Variants in C12orf56 observed in about 807,000 individuals in gnomAD.
The protein encoded by C12orf56 is uncharacterized protein C12orf56.
Under a neutral mutation model 69.9 loss-of-function variants are expected in C12orf56, and 71 were observed. The observed-to-expected ratio is 1.02, with a 90% CI of 0.84 to 1.24. The LOEUF is 1.24. C12orf56 is among the 50% of genes most tolerant of loss of function. The pLI, the probability that C12orf56 is intolerant of heterozygous loss-of-function variation, is 0.00. For missense variants in C12orf56, 732 were observed against 738.5 expected (o/e 0.99, Z 0.10); for synonymous variants, 276 against 274.1 (o/e 1.01, Z -0.07).
At chr12:64,375,654 C>T (rs887226925) in intron 1 of C12orf56, among the ~76,000 whole-genome samples, 3 of 152,174 alleles carry the variant, frequency 2.0e-5, no homozygotes, top group African/African-American at 7.2e-5. Flanking sequence ...CTTACAACTA[C>T]ACAAAAAGTT....
intron 2 of C12orf56, chr12:64,338,779 A>G: frequency 1.5e-6 from 2 of 1,358,800 alleles, no homozygotes; most frequent in Non-Finnish European, 2.1e-6. Flanking sequence ...GCATGTCAGC[A>G]TTGCTGAGAG....
intron 5 of C12orf56, among the ~76,000 whole-genome samples, chr12:64,305,908 A>C (rs1447542424): frequency 6.6e-6 from 1 of 152,224 alleles, no homozygotes; most frequent in Non-Finnish European, 1.5e-5. Flanking sequence ...AGAAAAGCAA[A>C]AGCTCAGATA....
rs897623021 is a variant in C12orf56 at position 64,390,699 on chromosome 12, G to A, written c.-134C>T. 1.4e-5 allele frequency: 18 copies of A among 1,264,442 alleles called. No individual in the cohort carries two copies. The African/African-American group carries it at 2.6e-4, about 18-fold the overall frequency. 78.3% of individuals were successfully genotyped at this position (1,264,442 alleles called of 1,614,324 possible). On this transcript the variant is annotated 5_prime_UTR_variant, in exon 1 of 13. Coordinates refer to ENST00000543942, the MANE Select transcript of C12orf56 (RefSeq NM_001170633.2). ...GCCTCCTCTCCAGGCGCGGGGACCC[G>A]GGCCGCAACTGCAGGAATCGACGCT...
Position 64,318,808 on chromosome 12 carries a change from T to A in C12orf56, c.661A>T (p.Thr221Ser). 6.5e-7 allele frequency: 1 copy of A among 1,537,248 alleles called. No homozygotes were observed. The highest frequency in any genetic ancestry group is 8.7e-7 in the Non-Finnish European group (1 of 1,146,912). ...TGKAVSEPSC[T>S]TNTKEPQGLP... ...CCCTGGGGTTCTTTTGTGTTTGTTG[T>A]GCAAGATGGCTCGCTGACAGCCTTG... The change falls in exon 4 of 13, where the codon ACA becomes TCA. Residue 221 changes from threonine to serine, a missense_variant. Coordinates refer to ENST00000543942, the MANE Select transcript of C12orf56 (RefSeq NM_001170633.2).
chr12:64,389,885 C>T (rs2135995193), intron 1 of C12orf56, among the ~76,000 whole-genome samples: 1 of 152,306 alleles, frequency 6.6e-6, no homozygotes, highest in Middle Eastern at 3.4e-3. Context: ...TAACACACAG[C>T]ATTTATTTGC....
chr12:64,367,678 G>T (rs990124800), intron 1 of C12orf56, among the ~76,000 whole-genome samples: 2 of 151,452 alleles, frequency 1.3e-5, no homozygotes, highest in African/African-American at 4.9e-5. Context: ...GCTAATTTTT[G>T]TATTTAGTAG....
chr12:64,318,647 A>G lies in C12orf56; in HGVS notation c.822T>C (p.Leu274=). Residue 274 remains leucine, a synonymous_variant, in exon 4 of 13, where the codon CTT becomes CTC. Coordinates refer to ENST00000543942, the MANE Select transcript of C12orf56 (RefSeq NM_001170633.2). Reference sequence around the variant, plus strand: ...AGGTTGTGGAAATAACATACAAATGAAGTTCTGACTCCTTTTTCTCTAAAT... The same window carrying G: ...AGGTTGTGGAAATAACATACAAATGGAGTTCTGACTCCTTTTTCTCTAAAT... ...NSNLEKKESE[L]HLYVISTTSS... The G allele has an allele frequency of 1.3e-6, 2 of 1,536,910 alleles. No individual in the cohort carries two copies. Among genetic ancestry groups the G allele is most frequent in the Non-Finnish European group, 1.7e-6 (2 of 1,146,602 alleles).
intron 1 of C12orf56, among the ~76,000 whole-genome samples, chr12:64,359,177 T>C (rs892571589): frequency 6.6e-6 from 1 of 152,186 alleles, no homozygotes; most frequent in African/African-American, 2.4e-5. Flanking sequence ...ATAAAGTATC[T>C]GAACAGTTAG....
At chr12:64,301,970 T>C (rs1013026845) in intron 6 of C12orf56, among the ~76,000 whole-genome samples, 2 of 152,198 alleles carry the variant, frequency 1.3e-5, no homozygotes, top group Non-Finnish European at 2.9e-5. Context: ...CCAAAGTCTT[T>C]ACTAGCAAGG....
intron 2 of C12orf56, among the ~76,000 whole-genome samples, chr12:64,341,391 T>C (rs766670060): frequency 2.6e-5 from 4 of 152,180 alleles, no homozygotes; most frequent in African/African-American, 7.2e-5. Flanking sequence ...CATGGCCTTC[T>C]GGAGAACTCT....
intron 1 of C12orf56, among the ~76,000 whole-genome samples, chr12:64,387,077 C>CAAAAAAAAAAAAAAAAAAG (rs2039802880): frequency 2.4e-5 from 1 of 42,086 alleles, no homozygotes; most frequent in East Asian, 1.1e-3. Flanking sequence ...GACTCTATCT[C>CAAAAAAAAAAAAAAAAAAG]AAAAAAAAAA....
At chr12:64,347,284 C>CTT (rs35011865) in intron 2 of C12orf56, among the ~76,000 whole-genome samples, 46,656 of 121,414 alleles carry the variant, frequency 0.38, 9,907 homozygotes, top group Non-Finnish European at 0.47. Context: ...AGCCTAGTAA[C>CTT]TTTTTTTTTT....
intron 3 of C12orf56, among the ~76,000 whole-genome samples, chr12:64,329,433 G>A: frequency 6.6e-6 from 1 of 151,000 alleles, no homozygotes; most frequent in South Asian, 2.1e-4. Flanking sequence ...CCAATCTCAG[G>A]TCTTTCCCTA....
chr12:64,298,656 G>A (rs1348726510), intron 6 of C12orf56, among the ~76,000 whole-genome samples: 1 of 149,632 alleles, frequency 6.7e-6, no homozygotes, highest in Non-Finnish European at 1.5e-5. Context: ...CCCATTGCTT[G>A]TTTGTGTCAG....
intron 1 of C12orf56, among the ~76,000 whole-genome samples, chr12:64,366,264 C>T (rs1289268168): frequency 9.3e-6 from 1 of 107,478 alleles, no homozygotes; most frequent in African/African-American, 3.9e-5. Context: ...ATATAATATA[C>T]AGTTTATATA....
chr12:64,282,446 C>G (rs560457611), intron 8 of C12orf56, among the ~76,000 whole-genome samples: 2 of 152,234 alleles, frequency 1.3e-5, no homozygotes, highest in Admixed American at 1.3e-4. Context: ...TCTATATGAC[C>G]TTTTACAGAA....
intron 3 of C12orf56, among the ~76,000 whole-genome samples, chr12:64,327,671 A>C (rs990452649): frequency 1.3e-5 from 2 of 152,240 alleles, no homozygotes; most frequent in African/African-American, 4.8e-5. Flanking sequence ...ATTTAGCTAC[A>C]CAGGCTGTTG....
intron 1 of C12orf56, among the ~76,000 whole-genome samples, chr12:64,374,025 A>C (rs372160287): frequency 6.6e-5 from 10 of 152,302 alleles, no homozygotes; most frequent in African/African-American, 2.4e-4. Flanking sequence ...CATCTCCACC[A>C]GGTGGTCTTT....
chr12:64,336,508 T>C (rs1448509857), intron 2 of C12orf56, among the ~76,000 whole-genome samples: 2 of 152,142 alleles, frequency 1.3e-5, no homozygotes, highest in African/African-American at 4.8e-5. Context: ...ATTATGCTTG[T>C]GGACAAGGAT....
Sources: allele counts gnomAD v4.1 joint callset (sites outside exome capture counted in the v4.1 genomes callset), GRCh38; gene constraint gnomAD v4.1.1; transcripts MANE v1.5; gene names NCBI Gene and HGNC (gene_info 2026-07-23, HGNC 2026-07-21).